Variants in TRABD2B observed in about 807,000 individuals in gnomAD.
TRABD2B encodes the protein TraB domain containing 2B.
Under a neutral mutation model 40.1 loss-of-function variants are expected in TRABD2B, and 14 were observed. The ratio of observed to expected loss-of-function variants is 0.35; its 90% CI spans 0.23 to 0.55. The LOEUF is 0.55. Ranked by LOEUF, TRABD2B falls within the 20% of genes least tolerant of loss-of-function variation. TRABD2B has a pLI of 0.90. For synonymous variants in TRABD2B, 263 were observed against 277.0 expected (o/e 0.95, Z 0.50); for missense variants, 541 against 648.6 (o/e 0.83, Z 1.80).
At chr1:47,939,785 A>G (rs1645161669) in intron 2 of TRABD2B, among the ~76,000 whole-genome samples, 2 of 152,146 alleles carry the variant, frequency 1.3e-5, no homozygotes, top group African/African-American at 4.8e-5. Context: ...CCTTCATTCA[A>G]ACATAAACTC....
At chr1:47,775,522 G>C in intron 5 of TRABD2B, 83 bp from the exon 6 acceptor site, 1 of 1,212,730 alleles carries the variant, frequency 8.2e-7, no homozygotes, top group Non-Finnish European at 1.0e-6. Flanking sequence ...AATTCAGTGG[G>C]AGTTTGTCAT....
At chr1:47,880,929 A>C (rs1425144560) in intron 2 of TRABD2B, among the ~76,000 whole-genome samples, 1 of 152,228 alleles carries the variant, frequency 6.6e-6, no homozygotes, top group Admixed American at 6.5e-5. Context: ...CGCAGCAGTG[A>C]GAACAGCAAT....
At chr1:47,779,648 C>T (rs1407434803) in intron 4 of TRABD2B, among the ~76,000 whole-genome samples, 1 of 152,042 alleles carries the variant, frequency 6.6e-6, no homozygotes, top group Non-Finnish European at 1.5e-5. Context: ...GTCCCTCTGC[C>T]TCGGGGGCCT....
At chr1:47,940,030 C>T (rs1377375172) in intron 2 of TRABD2B, among the ~76,000 whole-genome samples, 1 of 152,204 alleles carries the variant, frequency 6.6e-6, no homozygotes, top group Non-Finnish European at 1.5e-5. Context: ...AACCGAATTT[C>T]CTAGCCTTCC....
chr1:47,958,197 C>T (rs1185488089), intron 2 of TRABD2B, among the ~76,000 whole-genome samples: 1 of 147,282 alleles, frequency 6.8e-6, no homozygotes, highest in Admixed American at 6.9e-5. Flanking sequence ...CTTACAAGAG[C>T]TCCTGAAGGA....
rs917331705 is a variant in TRABD2B, at chr1:47,760,958, G to A, written c.*4944C>T. 3 of 152,260 alleles carry A rather than the reference G, an allele frequency of 2.0e-5. No individual in the cohort carries two copies. Among genetic ancestry groups the A allele is most frequent in the Admixed American group, 6.5e-5 (1 of 15,282 alleles). The allele number at this position is 152,260 out of a possible 1,614,324, so 9.4% of individuals were successfully genotyped here. A position where few individuals can be genotyped will look rare whatever the true frequency, so the allele number is the denominator to read the frequency against. ...TCCCCACAGCAGGACTGGGATGAAG[G>A]GGGCCTTGGAGGCATGCTACTCTGT... On this transcript the variant is annotated 3_prime_UTR_variant, in exon 7 of 7. Transcript: ENST00000606738.
In TRABD2B at chr1:47,874,252, A is replaced by ATTTTTTTTTTT. The variant is rs61411862; in HGVS notation, c.667-72644_667-72634dup. On this transcript the variant is annotated intron_variant, in intron 2 of 6. Transcript: ENST00000606738. The stretch of plus-strand genomic sequence containing the variant: ...ATTTTATTTTTAAATTGATTAATTA[A>ATTTTTTTTTTT]TTTTTTTTTTTTTTTTTTTTTTTTG... 3.2e-4 allele frequency among the ~76,000 whole-genome samples: 29 copies of ATTTTTTTTTTT among 90,518 alleles called. 1 individual carries two copies. The highest frequency in any genetic ancestry group is 4.7e-4 in the Admixed American group (3 of 6,348). 59.4% of individuals were successfully genotyped at this position (90,518 alleles called of 152,430 possible). A position where few individuals can be genotyped will look rare whatever the true frequency, so the allele number is the denominator to read the frequency against.
In TRABD2B at chr1:47,933,087, G is replaced by A. The variant is rs952509128; in HGVS notation, c.666+60947C>T. 3.4e-5 allele frequency among the ~76,000 whole-genome samples: 5 copies of A among 148,446 alleles called. No homozygotes were observed. The South Asian group carries it at 6.6e-4, about 20-fold the overall frequency. Reference sequence around the variant, plus strand: ...ATCTCCTTGGCGTTCAGAGCCCTCCGTGAGCCCCCATCTCCTGTCATTTTT... The same window carrying A: ...ATCTCCTTGGCGTTCAGAGCCCTCCATGAGCCCCCATCTCCTGTCATTTTT... On this transcript the variant is annotated intron_variant, in intron 2 of 6. Coordinates refer to ENST00000606738, the MANE Select transcript of TRABD2B (RefSeq NM_001194986.2).
chr1:47,986,497 T>A (rs558926156), intron 2 of TRABD2B, among the ~76,000 whole-genome samples: 66 of 152,250 alleles, frequency 4.3e-4, no homozygotes, highest in African/African-American at 1.6e-3. Flanking sequence ...GAAAAAAGTA[T>A]AAACAAAATA....
At chr1:47,920,171 T>C (rs1345737377) in intron 2 of TRABD2B, among the ~76,000 whole-genome samples, 1 of 152,184 alleles carries the variant, frequency 6.6e-6, no homozygotes, top group African/African-American at 2.4e-5. Context: ...GCCCAGTGCC[T>C]GGCAGAGTAC....
At chr1:47,966,026 T>G (rs1302827550) in intron 2 of TRABD2B, among the ~76,000 whole-genome samples, 1 of 152,192 alleles carries the variant, frequency 6.6e-6, no homozygotes, top group Non-Finnish European at 1.5e-5. Context: ...TATGAAGCCA[T>G]ACATGTCACT....
chr1:47,770,084 G>C (rs778510458), intron 6 of TRABD2B, among the ~76,000 whole-genome samples: 3 of 152,306 alleles, frequency 2.0e-5, no homozygotes, highest in Non-Finnish European at 4.4e-5. Flanking sequence ...CCCAGTCTAG[G>C]ATCTGGGCAT....
chr1:47,955,403 T>C (rs1645404907), intron 2 of TRABD2B, among the ~76,000 whole-genome samples: 1 of 152,132 alleles, frequency 6.6e-6, no homozygotes, highest in South Asian at 2.1e-4. Context: ...TGATCCATTA[T>C]CCTAATACTC....
At chr1:47,834,134 G>A (rs539714457) in intron 2 of TRABD2B, among the ~76,000 whole-genome samples, 5 of 152,262 alleles carry the variant, frequency 3.3e-5, no homozygotes, top group African/African-American at 1.2e-4. Flanking sequence ...CCCATCTGAT[G>A]GTTCTCTGGA....
At chr1:47,991,441 T>C (rs546155975) in intron 2 of TRABD2B, among the ~76,000 whole-genome samples, 2 of 152,170 alleles carry the variant, frequency 1.3e-5, no homozygotes, top group African/African-American at 2.4e-5. Context: ...CAAGGTCACA[T>C]AGCAAAGTCA....
intron 2 of TRABD2B, among the ~76,000 whole-genome samples, chr1:47,851,110 G>A (rs1645544506): frequency 6.6e-6 from 1 of 152,130 alleles, no homozygotes; most frequent in Non-Finnish European, 1.5e-5. Flanking sequence ...AGGTGGTGGA[G>A]ACCCCTGTTC....
intron 2 of TRABD2B, among the ~76,000 whole-genome samples, chr1:47,898,295 G>A (rs1644552998): frequency 6.6e-6 from 1 of 152,170 alleles, no homozygotes; most frequent in South Asian, 2.1e-4. Context: ...TTGAGCCCGG[G>A]CTGCTCTGGC....
intron 2 of TRABD2B, among the ~76,000 whole-genome samples, chr1:47,878,119 A>C (rs1339701154): frequency 1.3e-5 from 2 of 152,154 alleles, no homozygotes; most frequent in African/African-American, 4.8e-5. Flanking sequence ...GTTCAAGACC[A>C]GTCTGGCCAA....
intron 2 of TRABD2B, among the ~76,000 whole-genome samples, chr1:47,886,897 C>G (rs1438283688): frequency 1.3e-5 from 2 of 152,182 alleles, no homozygotes; most frequent in East Asian, 3.9e-4. Flanking sequence ...GCCCCCTGCT[C>G]CAGCCTTCTC....
Sources: allele counts gnomAD v4.1 joint callset (sites outside exome capture counted in the v4.1 genomes callset), GRCh38; gene constraint gnomAD v4.1.1; transcripts MANE v1.5; gene names NCBI Gene and HGNC (gene_info 2026-07-23, HGNC 2026-07-21).